The following NAV3 variants were observed in gnomAD, a reference collection of about 807,000 sequenced individuals.
NAV3 encodes neuron navigator 3.
NAV3 carries 87 observed loss-of-function variants against 244.7 expected under a neutral mutation model. That is an observed-to-expected ratio of 0.36 (90% CI 0.30 to 0.42). The LOEUF is 0.42. Ranked by LOEUF, NAV3 falls within the 20% of genes least tolerant of loss-of-function variation. NAV3 has a pLI of 1.00. For missense variants in NAV3, 2,663 were observed against 2,893.3 expected (o/e 0.92, Z 1.83); for synonymous variants, 1,126 against 1,042.2 (o/e 1.08, Z -1.55).
At chr12:78,081,500 G>A (rs936858979) in intron 12 of NAV3, among the ~76,000 whole-genome samples, 15 of 152,144 alleles carry the variant, frequency 9.9e-5, no homozygotes, top group African/African-American at 3.6e-4. Flanking sequence ...ATGCTCCTCC[G>A]AGCTTGAGTC....
chr12:77,770,769 G>A (rs567908268), intron 2 of NAV3, among the ~76,000 whole-genome samples: 1 of 152,138 alleles, frequency 6.6e-6, no homozygotes, highest in African/African-American at 2.4e-5. Context: ...AATTCAAGAT[G>A]GATTAAAGAC....
At chr12:77,897,757 G>A (rs980847056) in intron 1 of NAV3, among the ~76,000 whole-genome samples, 7 of 151,246 alleles carry the variant, frequency 4.6e-5, no homozygotes, top group Non-Finnish European at 1.0e-4. Flanking sequence ...GTATATATCT[G>A]TAATATGTCT....
intron 2 of NAV3, among the ~76,000 whole-genome samples, chr12:77,767,195 T>C (rs920506877): frequency 6.6e-6 from 1 of 152,218 alleles, no homozygotes; most frequent in Non-Finnish European, 1.5e-5. Flanking sequence ...AGTCTTAACT[T>C]TGATCTTTCA....
At chr12:78,178,126 A>G (rs1298481306) in intron 28 of NAV3, among the ~76,000 whole-genome samples, 2 of 151,164 alleles carry the variant, frequency 1.3e-5, no homozygotes, top group East Asian at 2.0e-4. Flanking sequence ...GATAATAGTT[A>G]TATTAATGTG....
chr12:78,147,071 A>G (rs537543625), intron 21 of NAV3, among the ~76,000 whole-genome samples: 9 of 151,826 alleles, frequency 5.9e-5, no homozygotes, highest in East Asian at 5.8e-4. Context: ...GACAACAGAG[A>G]AAAAAAATGC....
At chr12:77,922,299 G>GTTTT (rs1345372985) in intron 1 of NAV3, among the ~76,000 whole-genome samples, 5 of 152,026 alleles carry the variant, frequency 3.3e-5, no homozygotes, top group African/African-American at 1.2e-4. Flanking sequence ...CTGTTTGTTT[G>GTTTT]TTTAATTTTT....
intron 12 of NAV3, among the ~76,000 whole-genome samples, chr12:78,063,436 C>G (rs993358986): frequency 6.6e-6 from 1 of 152,128 alleles, no homozygotes; most frequent in Admixed American, 6.6e-5. Flanking sequence ...CCTTTATTAA[C>G]TCCTATTATT....
chr12:78,117,178 T>TAC (rs1955435264), intron 13 of NAV3, among the ~76,000 whole-genome samples: 1 of 136,028 alleles, frequency 7.4e-6, no homozygotes, highest in East Asian at 2.1e-4. Context: ...TATATATATA[T>TAC]ATATATATAT....
chr12:78,141,584 TTTACTGCC>T (rs1166153806), intron 20 of NAV3, among the ~76,000 whole-genome samples: 2 of 152,194 alleles, frequency 1.3e-5, no homozygotes, highest in African/African-American at 4.8e-5. Context: ...ATCTCATATA[TTTACTGCC>T]TTACATAGTC....
intron 5 of NAV3, among the ~76,000 whole-genome samples, chr12:77,977,609 C>G (rs563564687): frequency 4.2e-4 from 63 of 151,754 alleles, no homozygotes; most frequent in Non-Finnish European, 7.4e-4. Context: ...GTACAGGTAG[C>G]TGATTCTTCC....
rs532354030 is a variant in NAV3 at position 78,064,862 on chromosome 12, G to T, written c.2636+5747G>T. ...ATTGTAAATTGCTGCCTTTGGAAAT[G>T]CGTAAATGTGGAAAAGAGAGCCAGG... On this transcript the variant is annotated intron_variant, in intron 12 of 39. Coordinates refer to ENST00000397909, the MANE Select transcript of NAV3 (RefSeq NM_001024383.2). Among the ~76,000 whole-genome samples, 4 of 152,152 alleles carry T rather than the reference G, an allele frequency of 2.6e-5. No homozygotes were observed. The South Asian group carries it at 8.3e-4, about 32-fold the overall frequency.
chr12:78,182,981 T>A (rs1282589754), intron 30 of NAV3, among the ~76,000 whole-genome samples: 1 of 151,928 alleles, frequency 6.6e-6, no homozygotes, highest in African/African-American at 2.4e-5. Flanking sequence ...GAGAGGATAA[T>A]TGGCAAATAT....
intron 1 of NAV3, among the ~76,000 whole-genome samples, chr12:77,864,685 T>G (rs1879750041): frequency 6.6e-6 from 1 of 151,990 alleles, no homozygotes; most frequent in Admixed American, 6.6e-5. Flanking sequence ...CCATCTACCA[T>G]GCATCATATT....
At chr12:78,136,942 G>A (rs966471209) in intron 18 of NAV3, among the ~76,000 whole-genome samples, 15 of 152,118 alleles carry the variant, frequency 9.9e-5, no homozygotes, top group Non-Finnish European at 2.2e-4. Flanking sequence ...TGTTGGTTTT[G>A]TGTACTGTTG....
At chr12:77,958,913 C>T (rs1891616688) in intron 3 of NAV3, among the ~76,000 whole-genome samples, 1 of 152,030 alleles carries the variant, frequency 6.6e-6, no homozygotes, top group Non-Finnish European at 1.5e-5. Flanking sequence ...TTGACTGTTA[C>T]CTGAGCCAAA....
chr12:77,715,382 T>G (rs1876313243), intron 2 of NAV3, among the ~76,000 whole-genome samples: 1 of 151,932 alleles, frequency 6.6e-6, no homozygotes, highest in African/African-American at 2.4e-5. Context: ...ATTATATCTC[T>G]CTTATTTGCA....
At chr12:77,647,781 C>T (rs915472080) in intron 2 of NAV3, among the ~76,000 whole-genome samples, 5 of 151,992 alleles carry the variant, frequency 3.3e-5, no homozygotes, top group African/African-American at 9.7e-5. Flanking sequence ...TTATGTTTTA[C>T]TGTGTTACCT....
chr12:77,699,322 C>G (rs141792164), intron 2 of NAV3, among the ~76,000 whole-genome samples: 108 of 152,218 alleles, frequency 7.1e-4, no homozygotes, highest in African/African-American at 2.5e-3. Context: ...CCTATTCCTA[C>G]TGTAGTATTC....
At chr12:77,857,650 G>GA (rs980835969) in intron 1 of NAV3, among the ~76,000 whole-genome samples, 2 of 151,538 alleles carry the variant, frequency 1.3e-5, no homozygotes, top group African/African-American at 4.8e-5. Context: ...ACTTTAGTGT[G>GA]AAAAAAAGAC....
Sources: allele counts gnomAD v4.1 joint callset (sites outside exome capture counted in the v4.1 genomes callset), GRCh38; gene constraint gnomAD v4.1.1; transcripts MANE v1.5; gene names NCBI Gene and HGNC (gene_info 2026-07-23, HGNC 2026-07-21).